The following SNX13 variants were observed in gnomAD, a reference collection of about 807,000 sequenced individuals.
The protein encoded by SNX13 is sorting nexin 13.
Under a neutral mutation model 133.6 loss-of-function variants are expected in SNX13, and 45 were observed. That is an observed-to-expected ratio of 0.34 (90% CI 0.27 to 0.43). The LOEUF is 0.43. Among genes scored for constraint, SNX13 ranks in the 20% least tolerant of loss-of-function variants. The pLI is 1.00. For missense variants in SNX13, 1,032 were observed against 1,145.1 expected, an observed-to-expected ratio of 0.90 and a Z score of 1.43; for synonymous variants, 414 against 373.9, an observed-to-expected ratio of 1.11 and a Z score of -1.24.
Position 17,830,545 on chromosome 7 carries a change from T to A in SNX13, c.1598-498A>T, listed in dbSNP as rs539473206. The A allele has an allele frequency of 5.1e-6, 5 of 984,006 alleles. No homozygotes were observed. The African/African-American group carries it at 8.7e-5, about 17-fold the overall frequency. 61.0% of individuals were successfully genotyped at this position (984,006 alleles called of 1,614,324 possible). A position where few individuals can be genotyped will look rare whatever the true frequency, so the allele number is the denominator to read the frequency against. On this transcript the variant is annotated intron_variant, in intron 15 of 25. Coordinates refer to ENST00000428135, the MANE Select transcript of SNX13 (RefSeq NM_015132.5). ...TCTTATTCTTGGTGGTAGATTATCT[T>A]GAAAACACTGGAAGTCCAGATTTTT...
At chr7:17,807,625 G>T (rs191472439) in intron 20 of SNX13, among the ~76,000 whole-genome samples, 9 of 152,350 alleles carry the variant, frequency 5.9e-5, no homozygotes, top group Non-Finnish European at 1.3e-4. Context: ...CTAAAGGACA[G>T]ACTGCCTCCT....
chr7:17,819,356 C>G (rs1189510690), intron 18 of SNX13, among the ~76,000 whole-genome samples: 1 of 152,058 alleles, frequency 6.6e-6, no homozygotes, highest in Non-Finnish European at 1.5e-5. Context: ...ATCCTCCCAC[C>G]TCAGCCTCCT....
intron 1 of SNX13, among the ~76,000 whole-genome samples, chr7:17,912,564 C>A (rs909593737): frequency 6.6e-6 from 1 of 152,132 alleles, no homozygotes; most frequent in Non-Finnish European, 1.5e-5. Flanking sequence ...GCGCCCACCA[C>A]CACACCTGGC....
chr7:17,883,247 A>G (rs370650818), intron 5 of SNX13, among the ~76,000 whole-genome samples: 2 of 152,332 alleles, frequency 1.3e-5, no homozygotes, highest in African/African-American at 4.8e-5. Context: ...AAAAATTTAC[A>G]CAGAAGTACA....
At chr7:17,869,710 T>C (rs1292138914) in intron 8 of SNX13, among the ~76,000 whole-genome samples, 4 of 152,144 alleles carry the variant, frequency 2.6e-5, no homozygotes. Context: ...TGGAGACACT[T>C]TGCAGTCTGA....
rs1199967928 is a variant in SNX13 at position 17,792,255 on chromosome 7, G to A, written c.*1790C>T. The A allele has an allele frequency of 2.0e-5, 3 of 151,810 alleles. No homozygotes were observed. The South Asian group carries it at 6.2e-4, about 32-fold the overall frequency. 9.4% of individuals were successfully genotyped at this position (151,810 alleles called of 1,614,324 possible). A position where few individuals can be genotyped will look rare whatever the true frequency, so the allele number is the denominator to read the frequency against. Reference sequence around the variant, plus strand: ...CAAACATTTTCACTTTTAAAGCCTGGGGCTCAGGGAGGGGCCAAGGCAGGG... The same window carrying A: ...CAAACATTTTCACTTTTAAAGCCTGAGGCTCAGGGAGGGGCCAAGGCAGGG... On this transcript the variant is annotated 3_prime_UTR_variant, in exon 26 of 26. Coordinates refer to ENST00000428135, the MANE Select transcript of SNX13 (RefSeq NM_015132.5).
At position 17,792,291 on chromosome 7, in the gene SNX13, A is replaced by G. The variant is rs1179164485; in HGVS notation, c.*1754T>C. The G allele has an allele frequency of 6.6e-6, 1 of 152,000 alleles. No homozygotes were observed. Among genetic ancestry groups the G allele is most frequent in the African/African-American group, 2.4e-5 (1 of 41,422 alleles). 9.4% of individuals were successfully genotyped at this position (152,000 alleles called of 1,614,324 possible). On this transcript the variant is annotated 3_prime_UTR_variant, in exon 26 of 26. Transcript: ENST00000428135. ...GGGGCCAAGGCAGGGAGACACCCTGAGAAGAAGAAATACTATTTCTTCCAC... is the reference window on the plus strand; with the variant it reads ...GGGGCCAAGGCAGGGAGACACCCTGGGAAGAAGAAATACTATTTCTTCCAC...
chr7:17,928,922 T>G (rs575031134), intron 1 of SNX13, among the ~76,000 whole-genome samples: 1 of 152,256 alleles, frequency 6.6e-6, no homozygotes, highest in South Asian at 2.1e-4. Context: ...TGGGCTCTAC[T>G]GCTCATGAAA....
At chr7:17,815,393 G>A (rs1786546768) in intron 19 of SNX13, among the ~76,000 whole-genome samples, 1 of 152,012 alleles carries the variant, frequency 6.6e-6, no homozygotes, top group Admixed American at 6.6e-5. Context: ...GACCAGCCCG[G>A]GCAACAAAGC....
At chr7:17,905,926 C>G (rs1286360136) in intron 1 of SNX13, among the ~76,000 whole-genome samples, 1 of 152,156 alleles carries the variant, frequency 6.6e-6, no homozygotes, top group African/African-American at 2.4e-5. Context: ...CCACCTCAGC[C>G]TCCTGAGTAG....
rs2128305867 is a variant in SNX13, at chr7:17,826,043, G to A, written c.1684C>T (p.His562Tyr). The part of the protein sequence containing the change: ...NVSSDDSVQL[H>Y]AYISDTGVCN... ...TTACCTGTGTCTGAAATGTAGGCAT[G>A]AAGTTGTACTGAGTCATCAGAAGAA... Residue 562 changes from histidine (H) to tyrosine (Y), a missense_variant, in exon 17 of 26, where the codon CAT becomes TAT. Coordinates refer to ENST00000428135, the MANE Select transcript of SNX13 (RefSeq NM_015132.5). 3 of 1,556,920 alleles carry A rather than the reference G, an allele frequency of 1.9e-6. No individual in the cohort carries two copies. Among genetic ancestry groups the A allele is most frequent in the African/African-American group, 1.4e-5 (1 of 73,486 alleles).
intron 5 of SNX13, chr7:17,889,988 C>CAGTT (rs1196482471): frequency 1.3e-5 from 2 of 157,192 alleles, no homozygotes; most frequent in East Asian, 3.7e-4. Context: ...TGGAGAAGAG[C>CAGTT]AGTTACACTG....
rs1256100524 is a variant in SNX13, at chr7:17,803,596, A to T, written c.2065-16T>A. The stretch of plus-strand genomic sequence containing the variant: ...AAGTGTCCATCTAAAGGGAAAAAAG[A>T]TATTATACCATGACTTTATTGTACC... On this transcript the variant is annotated splice_polypyrimidine_tract_variant and intron_variant, in intron 20 of 25. Coordinates refer to ENST00000428135, the MANE Select transcript of SNX13 (RefSeq NM_015132.5). The T allele has an allele frequency of 1.3e-6, 2 of 1,589,184 alleles. No individual in the cohort carries two copies. The highest frequency in any genetic ancestry group is 2.7e-5 in the African/African-American group (2 of 74,360).
At chr7:17,823,325 T>A (rs890723791) in intron 17 of SNX13, among the ~76,000 whole-genome samples, 1 of 152,192 alleles carries the variant, frequency 6.6e-6, no homozygotes, top group Non-Finnish European at 1.5e-5. Flanking sequence ...CTAAAACTGA[T>A]CTTGTAATAA....
intron 17 of SNX13, among the ~76,000 whole-genome samples, chr7:17,822,859 A>G (rs1473873894): frequency 1.3e-5 from 2 of 152,224 alleles, no homozygotes; most frequent in Non-Finnish European, 2.9e-5. Context: ...TAATCACTTG[A>G]GGACAGCTAA....
chr7:17,836,498 T>C (rs1789158366), intron 13 of SNX13, among the ~76,000 whole-genome samples: 1 of 152,084 alleles, frequency 6.6e-6, no homozygotes, highest in African/African-American at 2.4e-5. Context: ...AGAGTGAGAC[T>C]CCGTCTCAAA....
chr7:17,927,203 TATATATA>T (rs1474977204), intron 1 of SNX13, among the ~76,000 whole-genome samples: 5 of 149,814 alleles, frequency 3.3e-5, no homozygotes, highest in African/African-American at 1.2e-4. Context: ...TATATATGTG[TATATATA>T]ATATATATGT....
intron 25 of SNX13, chr7:17,796,153 G>C (rs1784027917): frequency 6.6e-6 from 1 of 151,630 alleles, no homozygotes; most frequent in African/African-American, 2.4e-5. Context: ...GCATTAAATT[G>C]CTTTTTACAT....
At position 17,940,469 on chromosome 7, in the gene SNX13, C is replaced by G. The variant is rs1409600368; in HGVS notation, c.-174G>C. ...CTCCCCTCGGCCCGGTCGCTCGCGA[C>G]GGACGCGCCGCCATCTTGGAAGAGC... On this transcript the variant is annotated 5_prime_UTR_variant, in exon 1 of 26. Transcript: ENST00000428135. The G allele has an allele frequency of 2.7e-6, 2 of 745,064 alleles. No individual in the cohort carries two copies. Among genetic ancestry groups the G allele is most frequent in the African/African-American group, 3.4e-5 (2 of 57,974 alleles). 46.2% of individuals were successfully genotyped at this position (745,064 alleles called of 1,614,324 possible).
Sources: gnomAD v4.1 joint callset for allele counts (sites outside exome capture counted in the v4.1 genomes callset) on GRCh38, gnomAD v4.1.1 for gene constraint, MANE v1.5 for transcripts, NCBI Gene and HGNC (gene_info 2026-07-23, HGNC 2026-07-21) for gene names.